Variants in FAM20C observed in about 807,000 individuals in gnomAD.
FAM20C encodes extracellular serine/threonine protein kinase FAM20C.
Under a neutral mutation model 51.5 loss-of-function variants are expected in FAM20C, and 40 were observed. The ratio of observed to expected loss-of-function variants is 0.78; its 90% CI spans 0.60 to 1.01. FAM20C has a LOEUF of 1.01. Among genes scored for constraint, FAM20C ranks in the 50% least tolerant of loss-of-function variants. The pLI, the probability that FAM20C is intolerant of heterozygous loss-of-function variation, is 0.00. For synonymous variants in FAM20C, 406 were observed against 380.6 expected, an observed-to-expected ratio of 1.07 and a Z score of -0.78; for missense variants, 861 against 844.7, an observed-to-expected ratio of 1.02 and a Z score of -0.24.
intron 2 of FAM20C, among the ~76,000 whole-genome samples, chr7:199,499 A>C (rs1786033637): frequency 6.6e-6 from 1 of 152,200 alleles, no homozygotes; most frequent in Non-Finnish European, 1.5e-5. Context: ...TGCTCACTTT[A>C]ATCTCAAGTC....
At chr7:224,321 ACGGCGGC>A in intron 3 of FAM20C, among the ~76,000 whole-genome samples, 1 of 34,382 alleles carries the variant, frequency 2.9e-5, no homozygotes, top group South Asian at 2.3e-3. Context: ...CGGGGGTCGC[ACGGCGGC>A]TGTCCCCTGA....
In FAM20C at chr7:208,891, C is replaced by T. The variant is rs1268922658; in HGVS notation, c.785-7C>T. ...AGTGACCCTGTTTCTCTCCCTCCTT[C>T]CTGCAGCCATGAAGTCGGGGGGCAC... On this transcript the variant is annotated splice_region_variant and splice_polypyrimidine_tract_variant and intron_variant, in intron 2 of 9. Coordinates refer to ENST00000313766, the MANE Select transcript of FAM20C (RefSeq NM_020223.4). 6.4e-7 allele frequency: 1 copy of T among 1,566,908 alleles called. No homozygotes were observed. Among genetic ancestry groups the T allele is most frequent in the South Asian group, 1.2e-5 (1 of 84,850 alleles).
chr7:195,571 A>G lies in FAM20C; in HGVS notation c.623A>G (p.Glu208Gly). The G allele has an allele frequency of 6.3e-7, 1 of 1,589,694 alleles. No homozygotes were observed. The highest frequency in any genetic ancestry group is 1.3e-5 in the African/African-American group (1 of 74,300). ...CCCTGCAGGCCGCATGCGGGTGCTGAAGGTGCAGAATTCCTCTCCCCCGGG... is the reference window on the plus strand; with the variant it reads ...CCCTGCAGGCCGCATGCGGGTGCTGGAGGTGCAGAATTCCTCTCCCCCGGG... ...ENPDWPHAGA[E>G]GAEFLSPGEA... The change falls in exon 2 of 10, where the codon GAA becomes GGA. Residue 208 changes from glutamate to glycine, a missense_variant. By Grantham distance (98) the Glu-to-Gly change is moderately conservative. Transcript: ENST00000313766.
At chr7:199,379 C>T (rs1323069374) in intron 2 of FAM20C, among the ~76,000 whole-genome samples, 5 of 152,244 alleles carry the variant, frequency 3.3e-5, no homozygotes, top group African/African-American at 9.6e-5. Flanking sequence ...TTCCAACCAC[C>T]GCTCCACAGC....
chr7:209,775 T>C (rs1786614847), intron 3 of FAM20C, among the ~76,000 whole-genome samples: 2 of 152,238 alleles, frequency 1.3e-5, no homozygotes, highest in Admixed American at 1.3e-4. Flanking sequence ...GATTTTTTTT[T>C]CCTGTTTTAA....
At chr7:216,706 AGT>A (rs140397697) in intron 3 of FAM20C, among the ~76,000 whole-genome samples, 7,627 of 148,154 alleles carry the variant, frequency 0.051, 439 homozygotes, top group African/African-American at 0.14. Flanking sequence ...TGTGAGACAG[AGT>A]GTGTGTGTGT....
At position 208,606 on chromosome 7, in the gene FAM20C, T is replaced by TG. The variant is rs147319194; in HGVS notation, c.785-292_785-291insG. On this transcript the variant is annotated intron_variant, in intron 2 of 9. Transcript: ENST00000313766. ...TGGGGTGTGTGCTGATGTGGGTGGCTTATACGTGTGTGTCCAGGTAAGCAC... is the reference window on the plus strand; with the variant it reads ...TGGGGTGTGTGCTGATGTGGGTGGCTGTATACGTGTGTGTCCAGGTAAGCAC... Among the ~76,000 whole-genome samples, 21 of 71,532 alleles carry TG rather than the reference T, an allele frequency of 2.9e-4. 1 individual carries two copies. The highest frequency in any genetic ancestry group is 1.7e-3 in the South Asian group (4 of 2,366). 46.9% of individuals were successfully genotyped at this position (71,532 alleles called of 152,430 possible).
chr7:229,870 G>A (rs371418935), intron 3 of FAM20C, among the ~76,000 whole-genome samples: 6 of 152,096 alleles, frequency 3.9e-5, no homozygotes, highest in African/African-American at 1.4e-4. Flanking sequence ...TTCATTTAGT[G>A]AGTCAGGGAT....
At chr7:214,525 AC>A (rs1158363457) in intron 3 of FAM20C, among the ~76,000 whole-genome samples, 1 of 152,208 alleles carries the variant, frequency 6.6e-6, no homozygotes, top group Non-Finnish European at 1.5e-5. Context: ...TGCACTTGGC[AC>A]GGTCAGCGGA....
At chr7:218,542 G>A (rs1000161691) in intron 3 of FAM20C, among the ~76,000 whole-genome samples, 10 of 152,270 alleles carry the variant, frequency 6.6e-5, no homozygotes, top group East Asian at 3.9e-4. Flanking sequence ...GAGGGAGGGC[G>A]GGGCAGGGTC....
chr7:253,933 C>G (rs1468262930), intron 5 of FAM20C, among the ~76,000 whole-genome samples: 1 of 152,250 alleles, frequency 6.6e-6, no homozygotes, highest in African/African-American at 2.4e-5. Flanking sequence ...GAGCTCCTGC[C>G]CCGGTGGGGG....
chr7:206,401 C>A (rs1329344685), intron 2 of FAM20C, among the ~76,000 whole-genome samples: 1 of 152,158 alleles, frequency 6.6e-6, no homozygotes, highest in African/African-American at 2.4e-5. Flanking sequence ...TTCCCTGGGA[C>A]CCCCTGAGAC....
intron 3 of FAM20C, among the ~76,000 whole-genome samples, chr7:224,174 G>T (rs1437382142): frequency 1.3e-5 from 2 of 148,512 alleles, no homozygotes; most frequent in African/African-American, 5.1e-5. Context: ...TTCTCTCACG[G>T]AGCAGAACGG....
At chr7:222,756 G>A (rs1452990865) in intron 3 of FAM20C, among the ~76,000 whole-genome samples, 1 of 152,192 alleles carries the variant, frequency 6.6e-6, no homozygotes, top group Non-Finnish European at 1.5e-5. Flanking sequence ...GCATGAGCAT[G>A]TGCTCATGTG....
Position 246,421 on chromosome 7 carries a change from G to A in FAM20C, c.870G>A (p.Thr290=), listed in dbSNP as rs1788161315. The A allele has an allele frequency of 2.1e-6, 3 of 1,410,076 alleles. No homozygotes were observed. Among genetic ancestry groups the A allele is most frequent in the Non-Finnish European group, 1.9e-6 (2 of 1,079,878 alleles). 87.3% of individuals were successfully genotyped at this position (1,410,076 alleles called of 1,614,324 possible). A position where few individuals can be genotyped will look rare whatever the true frequency, so the allele number is the denominator to read the frequency against. The change falls in exon 4 of 10, where the codon ACG becomes ACA. Residue 290 remains threonine (T), a synonymous_variant. Transcript: ENST00000313766. The part of the protein sequence containing the change: ...GQALFKPMKQ[T]REQETPPDFF... ...TTCTGTCTTGTTTTCTCAGACAAAC[G>A]AGGGAGCAGGAGACACCCCCTGACT...
chr7:236,121 A>G (rs923599940), intron 3 of FAM20C, among the ~76,000 whole-genome samples: 1 of 152,046 alleles, frequency 6.6e-6, no homozygotes, highest in Non-Finnish European at 1.5e-5. Context: ...CAGAGGGTTC[A>G]GTACTTTTCC....
intron 6 of FAM20C, chr7:256,452 G>C (rs1279537873): frequency 3.4e-6 from 2 of 595,502 alleles, no homozygotes; most frequent in East Asian, 2.8e-5. Context: ...TCCAGGTGGG[G>C]TCACCCCGAG....
intron 2 of FAM20C, among the ~76,000 whole-genome samples, chr7:208,143 G>A (rs545400595): frequency 6.6e-6 from 1 of 152,296 alleles, no homozygotes; most frequent in African/African-American, 2.4e-5. Context: ...GCAGGGGGGT[G>A]CGTGGGTGTG....
intron 3 of FAM20C, among the ~76,000 whole-genome samples, chr7:240,520 AGGTGATGGTGGTGAT>A (rs1368634486): frequency 6.6e-6 from 1 of 151,616 alleles, no homozygotes; most frequent in African/African-American, 2.4e-5. Context: ...GATGATGTGG[AGGTGATGGTGGTGAT>A]GGTGATGGTG....
Sources: allele counts gnomAD v4.1 joint callset (sites outside exome capture counted in the v4.1 genomes callset), GRCh38; gene constraint gnomAD v4.1.1; transcripts MANE v1.5; gene names NCBI Gene and HGNC (gene_info 2026-07-23, HGNC 2026-07-21).